Variants in HCN1 observed in about 807,000 individuals in gnomAD.
HCN1 encodes the protein potassium/sodium hyperpolarization-activated cyclic nucleotide-gated channel 1.
HCN1 carries 13 observed loss-of-function variants against 78.9 expected under a neutral mutation model. The observed-to-expected ratio is 0.16, with a 90% confidence interval of 0.11 to 0.26. The LOEUF (loss-of-function observed/expected upper bound fraction) is 0.26, where lower values mean the gene tolerates loss of function less well. Among genes scored for constraint, HCN1 ranks in the 10% least tolerant of loss-of-function variants. The pLI, the probability that HCN1 is intolerant of heterozygous loss-of-function variation, is 1.00. For missense variants in HCN1, 810 were observed against 1,154.3 expected, an observed-to-expected ratio of 0.70 and a Z score of 4.32; for synonymous variants, 552 against 455.5, an observed-to-expected ratio of 1.21 and a Z score of -2.70.
chr5:45,545,631 G>A (rs1329776767), intron 2 of HCN1, among the ~76,000 whole-genome samples: 3 of 152,144 alleles, frequency 2.0e-5, no homozygotes, highest in Admixed American at 6.6e-5. Context: ...TGTGTAAGGT[G>A]TAAGGAAGGG....
At chr5:45,600,184 T>C (rs148452552) in intron 2 of HCN1, among the ~76,000 whole-genome samples, 58 of 151,436 alleles carry the variant, frequency 3.8e-4, no homozygotes, top group African/African-American at 1.4e-3. Flanking sequence ...CTCTCTCTCT[T>C]ACACACACAC....
chr5:45,435,634 T>C (rs1278267111), intron 3 of HCN1, among the ~76,000 whole-genome samples: 1 of 152,124 alleles, frequency 6.6e-6, no homozygotes, highest in African/African-American at 2.4e-5. Context: ...TTGCCATACA[T>C]AACACTTTAT....
intron 2 of HCN1, among the ~76,000 whole-genome samples, chr5:45,501,992 T>C (rs1302337574): frequency 6.6e-6 from 1 of 152,104 alleles, no homozygotes; most frequent in Non-Finnish European, 1.5e-5. Flanking sequence ...TTTGTATTAT[T>C]TTAATAATAA....
chr5:45,310,540 A>G (rs909476169), intron 5 of HCN1, among the ~76,000 whole-genome samples: 7 of 152,148 alleles, frequency 4.6e-5, no homozygotes, highest in African/African-American at 1.7e-4. Flanking sequence ...GTTGTGGATA[A>G]AAAGGAACGT....
chr5:45,401,679 G>A lies in HCN1; in HGVS notation c.1012-4969C>T, dbSNP rs201580621. Among the ~76,000 whole-genome samples the A allele has an allele frequency of 5.1e-4, 74 of 145,210 alleles. 1 individual carries two copies. In the East Asian group the frequency reaches 0.013, roughly 26 times the overall value. On this transcript the variant is annotated intron_variant, in intron 3 of 7. Coordinates refer to ENST00000303230, the MANE Select transcript of HCN1 (RefSeq NM_021072.4). ...AAGGTTTTTTTTTTTTTTGGATATAGAAAAGTTCACATTTTCTTTATTCTA... is the reference window on the plus strand; with the variant it reads ...AAGGTTTTTTTTTTTTTTGGATATAAAAAAGTTCACATTTTCTTTATTCTA...
At chr5:45,593,864 T>C (rs1012504353) in intron 2 of HCN1, among the ~76,000 whole-genome samples, 1 of 151,938 alleles carries the variant, frequency 6.6e-6, no homozygotes, top group Non-Finnish European at 1.5e-5. Flanking sequence ...TTAGTAGAGA[T>C]AGAGTTTCAC....
At chr5:45,541,215 T>C (rs1007094049) in intron 2 of HCN1, among the ~76,000 whole-genome samples, 2 of 152,186 alleles carry the variant, frequency 1.3e-5, no homozygotes, top group African/African-American at 4.8e-5. Context: ...AGTGTCACGT[T>C]GTATTTATAA....
At chr5:45,529,691 TA>T (rs1162006793) in intron 2 of HCN1, among the ~76,000 whole-genome samples, 2 of 152,028 alleles carry the variant, frequency 1.3e-5, no homozygotes, top group African/African-American at 4.8e-5. Flanking sequence ...CAGATGAACA[TA>T]AATATTTTCT....
intron 6 of HCN1, among the ~76,000 whole-genome samples, chr5:45,268,375 A>C (rs1744900112): frequency 6.6e-6 from 1 of 152,250 alleles, no homozygotes; most frequent in Non-Finnish European, 1.5e-5. Flanking sequence ...GAAATAATTT[A>C]AACATTTAGC....
At chr5:45,298,752 G>A (rs544107384) in intron 6 of HCN1, among the ~76,000 whole-genome samples, 20 of 151,970 alleles carry the variant, frequency 1.3e-4, no homozygotes, top group East Asian at 9.7e-4. Flanking sequence ...AATACTCCCC[G>A]CTCCTTACTT....
At chr5:45,499,063 G>T (rs1742126776) in intron 2 of HCN1, among the ~76,000 whole-genome samples, 1 of 152,198 alleles carries the variant, frequency 6.6e-6, no homozygotes, top group African/African-American at 2.4e-5. Context: ...CCCAGAGGTG[G>T]AGCCTACAGA....
chr5:45,295,929 T>C (rs1745482846), intron 6 of HCN1, among the ~76,000 whole-genome samples: 1 of 152,000 alleles, frequency 6.6e-6, no homozygotes, highest in Non-Finnish European at 1.5e-5. Flanking sequence ...TAAGTACATG[T>C]TATTAGATTT....
intron 4 of HCN1, among the ~76,000 whole-genome samples, chr5:45,375,796 G>T (rs1257960685): frequency 9.1e-6 from 1 of 109,388 alleles, no homozygotes; most frequent in Non-Finnish European, 1.7e-5. Context: ...AATATTTTAT[G>T]ATATATCTTA....
chr5:45,303,367 G>T (rs1745666176), intron 6 of HCN1, among the ~76,000 whole-genome samples: 1 of 152,058 alleles, frequency 6.6e-6, no homozygotes, highest in Non-Finnish European at 1.5e-5. Flanking sequence ...CCTATTATTT[G>T]GTTCCAGATA....
chr5:45,282,502 C>A (rs949647450), intron 6 of HCN1, among the ~76,000 whole-genome samples: 5 of 152,300 alleles, frequency 3.3e-5, no homozygotes, highest in Admixed American at 3.3e-4. Flanking sequence ...AAGGTAAAGA[C>A]AATTCTTCCC....
intron 2 of HCN1, among the ~76,000 whole-genome samples, chr5:45,632,100 C>G (rs1219475568): frequency 6.6e-6 from 1 of 151,828 alleles, no homozygotes; most frequent in African/African-American, 2.4e-5. Flanking sequence ...TTTTGAGAGG[C>G]AGAAAATGAA....
At position 45,401,762 on chromosome 5, in the gene HCN1, A is replaced by G. The variant is rs147553302; in HGVS notation, c.1012-5052T>C. ...ACTTTTAGTAAATCAACAGGTCTCC[A>G]TATAGAGAAATATATCTCTTTTATT... On this transcript the variant is annotated intron_variant, in intron 3 of 7. Transcript: ENST00000303230. 5.0e-3 allele frequency among the ~76,000 whole-genome samples: 759 copies of G among 151,896 alleles called. 2 individuals carry two copies. Among genetic ancestry groups the G allele is most frequent in the African/African-American group, 0.017 (723 of 41,468 alleles).
chr5:45,404,888 T>C (rs2112049544), intron 3 of HCN1, among the ~76,000 whole-genome samples: 1 of 152,086 alleles, frequency 6.6e-6, no homozygotes, highest in African/African-American at 2.4e-5. Context: ...GGGCCAAAAC[T>C]TTCCATTATT....
At chr5:45,674,166 T>G (rs1399848309) in intron 1 of HCN1, among the ~76,000 whole-genome samples, 1 of 151,164 alleles carries the variant, frequency 6.6e-6, no homozygotes, top group African/African-American at 2.4e-5. Flanking sequence ...TATAGATATA[T>G]CACATATATG....
Sources: gnomAD v4.1 joint callset for allele counts (sites outside exome capture counted in the v4.1 genomes callset) on GRCh38, gnomAD v4.1.1 for gene constraint, MANE v1.5 for transcripts, NCBI Gene and HGNC (gene_info 2026-07-23, HGNC 2026-07-21) for gene names.